The following FRMD4B variants were observed in gnomAD, a reference collection of about 807,000 sequenced individuals.
FRMD4B encodes the protein FERM domain containing 4B, also known as FERM domain-containing protein 4B.
FRMD4B carries 74 observed loss-of-function variants against 141.5 expected under a neutral mutation model. The observed-to-expected ratio is 0.52, with a 90% CI of 0.43 to 0.63. FRMD4B has a LOEUF of 0.63. Among genes scored for constraint, FRMD4B ranks in the 30% least tolerant of loss-of-function variants. FRMD4B has a pLI of 0.00. For synonymous variants in FRMD4B, 506 were observed against 467.9 expected, an observed-to-expected ratio of 1.08 and a Z score of -1.05; for missense variants, 1,366 against 1,253.4, an observed-to-expected ratio of 1.09 and a Z score of -1.36.
At chr3:69,467,500 C>A (rs1705813153) in intron 1 of FRMD4B, among the ~76,000 whole-genome samples, 1 of 152,212 alleles carries the variant, frequency 6.6e-6, no homozygotes, top group African/African-American at 2.4e-5. Context: ...GCAGTGAAAC[C>A]TGTGGTTCCC....
At chr3:69,228,035 G>T (rs1480990692) in intron 7 of FRMD4B, among the ~76,000 whole-genome samples, 2 of 152,338 alleles carry the variant, frequency 1.3e-5, no homozygotes, top group African/African-American at 4.8e-5. Flanking sequence ...TAGATTAGTG[G>T]TTCTCAACGT....
intron 19 of FRMD4B, among the ~76,000 whole-genome samples, chr3:69,186,914 C>T (rs1413466818): frequency 1.3e-5 from 2 of 152,234 alleles, no homozygotes; most frequent in Non-Finnish European, 2.9e-5. Flanking sequence ...TTGATCCATA[C>T]AGCCAAGTTC....
intron 1 of FRMD4B, among the ~76,000 whole-genome samples, chr3:69,349,983 T>C (rs1275509798): frequency 6.6e-6 from 1 of 152,108 alleles, no homozygotes; most frequent in Non-Finnish European, 1.5e-5. Context: ...TGGGGTCTAA[T>C]TAAACTAAAG....
chr3:69,194,469 A>T (rs2092876992), intron 16 of FRMD4B, among the ~76,000 whole-genome samples: 1 of 152,260 alleles, frequency 6.6e-6, no homozygotes, highest in Non-Finnish European at 1.5e-5. Flanking sequence ...AAGATGGTCA[A>T]ATTTCTACAA....
intron 2 of FRMD4B, among the ~76,000 whole-genome samples, chr3:69,312,888 G>GA (rs11303786): frequency 2.3e-4 from 34 of 150,656 alleles, no homozygotes; most frequent in Non-Finnish European, 4.4e-4. Flanking sequence ...GACTCCGTCT[G>GA]AAAAAAAAAA....
chr3:69,343,614 C>G (rs1458718796), intron 1 of FRMD4B, among the ~76,000 whole-genome samples: 2 of 133,996 alleles, frequency 1.5e-5, no homozygotes, highest in African/African-American at 5.6e-5. Context: ...GGGTCTCGCT[C>G]TGTCACCCAG....
intron 1 of FRMD4B, among the ~76,000 whole-genome samples, chr3:69,522,351 A>T (rs112814754): frequency 6.6e-6 from 1 of 151,600 alleles, no homozygotes; most frequent in Non-Finnish European, 1.5e-5. Context: ...TCTATCCAGA[A>T]GTCAGATGAG....
At chr3:69,248,074 G>A (rs1432543601) in intron 7 of FRMD4B, among the ~76,000 whole-genome samples, 2 of 151,816 alleles carry the variant, frequency 1.3e-5, no homozygotes, top group East Asian at 1.9e-4. Flanking sequence ...TTACAGGCGT[G>A]AGCCACCATG....
At chr3:69,440,769 T>C (rs1705330502) in intron 1 of FRMD4B, among the ~76,000 whole-genome samples, 1 of 152,138 alleles carries the variant, frequency 6.6e-6, no homozygotes, top group South Asian at 2.1e-4. Flanking sequence ...GATCATGCCA[T>C]TGCACTCCAG....
chr3:69,301,456 C>G (rs1221529076), intron 4 of FRMD4B, among the ~76,000 whole-genome samples: 1 of 152,126 alleles, frequency 6.6e-6, no homozygotes, highest in Admixed American at 6.6e-5. Flanking sequence ...TCATGAGTAG[C>G]TGGCATTACA....
At chr3:69,458,430 AT>A (rs1239678051) in intron 1 of FRMD4B, among the ~76,000 whole-genome samples, 1 of 152,226 alleles carries the variant, frequency 6.6e-6, no homozygotes, top group Non-Finnish European at 1.5e-5. Flanking sequence ...GAGATTTAGC[AT>A]GGATTTCTGA....
At chr3:69,203,087 A>T (rs2107677328) in intron 11 of FRMD4B, among the ~76,000 whole-genome samples, 1 of 151,038 alleles carries the variant, frequency 6.6e-6, no homozygotes, top group Non-Finnish European at 1.5e-5. Context: ...GATGAAGTAA[A>T]AAAAAAAAAA....
chr3:69,235,241 G>C (rs1337768074), intron 7 of FRMD4B, among the ~76,000 whole-genome samples: 1 of 151,462 alleles, frequency 6.6e-6, no homozygotes, highest in African/African-American at 2.4e-5. Context: ...AAATTGTAGA[G>C]ATGGTCAGGG....
chr3:69,353,439 A>C (rs1703219223), intron 1 of FRMD4B: 1 of 273,678 alleles, frequency 3.7e-6, no homozygotes, highest in Non-Finnish European at 5.6e-6. Flanking sequence ...CCCCAGTACA[A>C]TATTAAAATC....
rs536701286 is a variant in FRMD4B at position 69,530,226 on chromosome 3, A to G, written c.-129+11980T>C. Among the ~76,000 whole-genome samples, 162 of 152,336 alleles carry G rather than the reference A, an allele frequency of 1.1e-3. 1 individual carries two copies. The highest frequency in any genetic ancestry group is 3.8e-3 in the African/African-American group (157 of 41,568). ...TTGATAAGGGTTGTTTGTCCCCACC[A>G]AATCTTATATTGAAATTTAATCCCT... On this transcript the variant is annotated intron_variant, in intron 1 of 5. Transcript: ENST00000459638.
chr3:69,454,770 G>A lies in FRMD4B; in HGVS notation c.-128-22009C>T, dbSNP rs146260864. ...CCCAAAGGGCACCACCCCCTGCTCC[G>A]TGGCACCAGGTCCCATCAACTGCTA... On this transcript the variant is annotated intron_variant, in intron 1 of 5. Transcript: ENST00000459638. 3.5e-3 allele frequency among the ~76,000 whole-genome samples: 534 copies of A among 152,330 alleles called. 5 individuals carry two copies. Among genetic ancestry groups the A allele is most frequent in the African/African-American group, 0.012 (498 of 41,586 alleles).
At chr3:69,275,614 G>A (rs996432574) in intron 5 of FRMD4B, among the ~76,000 whole-genome samples, 1 of 151,478 alleles carries the variant, frequency 6.6e-6, no homozygotes, top group Non-Finnish European at 1.5e-5. Flanking sequence ...TTAATTTTTT[G>A]TAGAGATAGG....
chr3:69,314,593 G>T (rs67940491), intron 1 of FRMD4B, among the ~76,000 whole-genome samples: 50,942 of 151,002 alleles, frequency 0.34, 9,438 homozygotes, highest in East Asian at 0.59. Context: ...CAACACTTTG[G>T]GGGGGCCAAT....
Position 69,399,953 on chromosome 3 carries a change from G to A in FRMD4B, c.-1+32681C>T, listed in dbSNP as rs79830954. Reference sequence around the variant, plus strand: ...TGCAGATTTTGCCACTGAAAGTAATGAGCTCAGTTGTTAGTTACTTTTGCC... The same window carrying A: ...TGCAGATTTTGCCACTGAAAGTAATAAGCTCAGTTGTTAGTTACTTTTGCC... On this transcript the variant is annotated intron_variant, in intron 2 of 5. Transcript: ENST00000459638. Among the ~76,000 whole-genome samples, 105 of 152,240 alleles carry A rather than the reference G, an allele frequency of 6.9e-4. 1 individual carries two copies. The East Asian group carries it at 0.018, about 26-fold the overall frequency.
Sources: gnomAD v4.1 joint callset for allele counts (sites outside exome capture counted in the v4.1 genomes callset) on GRCh38, gnomAD v4.1.1 for gene constraint, MANE v1.5 for transcripts, NCBI Gene and HGNC (gene_info 2026-07-23, HGNC 2026-07-21) for gene names.